IRF5: variants seen among roughly 807,000 people sequenced by gnomAD.
IRF5 encodes interferon regulatory factor 5.
A neutral mutation model predicts 55.1 loss-of-function variants in IRF5; 24 were observed. That is an observed-to-expected ratio of 0.44 (90% confidence interval 0.32 to 0.61). The LOEUF (loss-of-function observed/expected upper bound fraction) is 0.61, where lower values mean the gene tolerates loss of function less well. Ranked by LOEUF, IRF5 falls within the 20% of genes least tolerant of loss-of-function variation. The probability of loss-of-function intolerance (pLI) is 0.07; values close to 1 mark genes in which losing one functional copy is unlikely to be tolerated. For missense variants in IRF5, 499 were observed against 658.5 expected, an observed-to-expected ratio of 0.76 and a Z score of 2.65; for synonymous variants, 258 against 260.2, an observed-to-expected ratio of 0.99 and a Z score of 0.08.
chr7:128,937,250 T>G (rs3757385), upstream of IRF5, among the ~76,000 whole-genome samples: 87,683 of 152,046 alleles, frequency 0.58, 25,853 homozygotes, highest in Middle Eastern at 0.67. Context: ...GAACATTCCA[T>G]GAGAAGGAAC....
rs138437920 is a variant in IRF5, at chr7:128,946,772, C to T, written c.447+210C>T. 2.5e-3 allele frequency: 1,587 copies of T among 637,598 alleles called. 18 individuals carry two copies. Among genetic ancestry groups the T allele is most frequent in the African/African-American group, 0.024 (1,344 of 55,156 alleles). 39.5% of individuals were successfully genotyped at this position (637,598 alleles called of 1,614,324 possible). A position where few individuals can be genotyped will look rare whatever the true frequency, so the allele number is the denominator to read the frequency against. On this transcript the variant is annotated intron_variant, in intron 4 of 8. Coordinates refer to ENST00000357234, the MANE Select transcript of IRF5 (RefSeq NM_001098629.3). This position sits in a 1 kb window ranked among gnomAD's most constrained non-coding sequence, Gnocchi z 4.2. ...GTCATTACCCTGTGTGTGTGACCCA[C>T]GCAGCAGTTGGGGCTTGGTAGGTCT...
chr7:128,946,145 TC>T lies in IRF5; in HGVS notation c.385+113del. The stretch of plus-strand genomic sequence containing the variant: ...CAAGGGCCCCTCTAGCAGGCAGTGG[TC>T]CAGGAAACGATGCGGGGGCTCCCGC... On this transcript the variant is annotated intron_variant, in intron 3 of 8. Transcript: ENST00000357234. This position sits in a 1 kb window ranked among gnomAD's most constrained non-coding sequence, Gnocchi z 4.2. 2 of 1,076,490 alleles carry T rather than the reference TC, an allele frequency of 1.9e-6. No homozygotes were observed. The highest frequency in any genetic ancestry group is 2.6e-6 in the Non-Finnish European group (2 of 768,702). The allele number at this position is 1,076,490 out of a possible 1,614,324, so 66.7% of individuals were successfully genotyped here. A position where few individuals can be genotyped will look rare whatever the true frequency, so the allele number is the denominator to read the frequency against.
At position 128,948,568 on chromosome 7, in the gene IRF5, C is replaced by T. The variant is rs770230322; in HGVS notation, c.1300-5C>T. 1.9e-6 allele frequency: 3 copies of T among 1,613,518 alleles called. No homozygotes were observed. Among genetic ancestry groups the T allele is most frequent in the Non-Finnish European group, 2.5e-6 (3 of 1,180,020 alleles). On this transcript the variant is annotated splice_polypyrimidine_tract_variant and splice_region_variant and intron_variant, in intron 8 of 8. Transcript: ENST00000357234. This position sits in a 1 kb window ranked among gnomAD's most constrained non-coding sequence, Gnocchi z 4.6. ...TCCCTGTCTCATCTCCTCTTTGCCT[C>T]CCAGGTGGTGCCTGTAGCAGCTCGA...
At position 128,948,467 on chromosome 7, in the gene IRF5, C is replaced by T. The variant is rs753584888; in HGVS notation, c.1300-106C>T. The T allele has an allele frequency of 7.3e-5, 111 of 1,512,340 alleles. No individual in the cohort carries two copies. The highest frequency in any genetic ancestry group is 9.1e-5 in the Non-Finnish European group (101 of 1,111,266). The allele number at this position is 1,512,340 out of a possible 1,614,324, so 93.7% of individuals were successfully genotyped here. A position where few individuals can be genotyped will look rare whatever the true frequency, so the allele number is the denominator to read the frequency against. Reference sequence around the variant, plus strand: ...GCCAGAGACCATCAAGGCTCAGAGCCGGAGAATGCGGTCTATTACTCACCC... The same window carrying T: ...GCCAGAGACCATCAAGGCTCAGAGCTGGAGAATGCGGTCTATTACTCACCC... On this transcript the variant is annotated intron_variant, in intron 8 of 8. Coordinates refer to ENST00000357234, the MANE Select transcript of IRF5 (RefSeq NM_001098629.3). This position sits in a 1 kb window ranked among gnomAD's most constrained non-coding sequence, Gnocchi z 4.6.
chr7:128,949,270 A>AGC lies in IRF5; in HGVS notation c.*453_*454dup. 6.1e-6 allele frequency: 1 copy of AGC among 163,708 alleles called. No individual in the cohort carries two copies. Among genetic ancestry groups the AGC allele is most frequent in the Non-Finnish European group, 1.3e-5 (1 of 75,104 alleles). The allele number at this position is 163,708 out of a possible 1,614,324, so 10.1% of individuals were successfully genotyped here. On this transcript the variant is annotated 3_prime_UTR_variant, in exon 9 of 9. Coordinates refer to ENST00000357234, the MANE Select transcript of IRF5 (RefSeq NM_001098629.3). ...CCTGTCCTCTGAGATAATATGAGTG[A>AGC]GCACTTAGGTATCATATCAGATGCT...
chr7:128,948,468 G>T lies in IRF5; in HGVS notation c.1300-105G>T. 3 of 1,515,656 alleles carry T rather than the reference G, an allele frequency of 2.0e-6. No individual in the cohort carries two copies. Among genetic ancestry groups the T allele is most frequent in the Non-Finnish European group, 2.7e-6 (3 of 1,113,782 alleles). The allele number at this position is 1,515,656 out of a possible 1,614,324, so 93.9% of individuals were successfully genotyped here. A position where few individuals can be genotyped will look rare whatever the true frequency, so the allele number is the denominator to read the frequency against. Reference sequence around the variant, plus strand: ...CCAGAGACCATCAAGGCTCAGAGCCGGAGAATGCGGTCTATTACTCACCCC... The same window carrying T: ...CCAGAGACCATCAAGGCTCAGAGCCTGAGAATGCGGTCTATTACTCACCCC... On this transcript the variant is annotated intron_variant, in intron 8 of 8. Coordinates refer to ENST00000357234, the MANE Select transcript of IRF5 (RefSeq NM_001098629.3). This position sits in a 1 kb window ranked among gnomAD's most constrained non-coding sequence, Gnocchi z 4.6.
chr7:128,939,641 G>T (rs1304771543), intron 1 of IRF5, among the ~76,000 whole-genome samples: 1 of 152,166 alleles, frequency 6.6e-6, no homozygotes, highest in Non-Finnish European at 1.5e-5. Flanking sequence ...GGTCCCTGGT[G>T]CCCATGAATT....
At position 128,948,646 on chromosome 7, in the gene IRF5, G is replaced by A. The variant is rs199556554; in HGVS notation, c.1373G>A (p.Arg458Gln). ...GELSWSADSI[R>Q]LQISNPDLKD... is the part of the protein sequence containing the mutation. Reference sequence around the variant, plus strand: ...CTATCTTGGTCAGCTGATAGTATCCGGCTACAGATCTCAAACCCAGACCTC... The same window carrying A: ...CTATCTTGGTCAGCTGATAGTATCCAGCTACAGATCTCAAACCCAGACCTC... Residue 458 changes from arginine to glutamine, a missense_variant, in exon 9 of 9, where the codon CGG (arginine) becomes CAG (glutamine). By Grantham distance (43) the Arg-to-Gln change is conservative. Around this residue, in one of 2 missense-constraint regions of IRF5, gnomAD observed 194 missense variants for 318.3 expected, o/e 0.61. Coordinates refer to ENST00000357234, the MANE Select transcript of IRF5 (RefSeq NM_001098629.3). This position sits in a 1 kb window ranked among gnomAD's most constrained non-coding sequence, Gnocchi z 4.6. The A allele has an allele frequency of 2.1e-5, 34 of 1,614,162 alleles. No individual in the cohort carries two copies. In the Admixed American group the frequency reaches 4.2e-4, roughly 20 times the overall value.
chr7:128,937,563 T>C (rs3807135), upstream of IRF5: 88,652 of 152,132 alleles, frequency 0.58, 26,359 homozygotes, highest in Middle Eastern at 0.68. Context: ...GCCAGGGGTG[T>C]AGGCAGGCGA....
Position 128,946,488 on chromosome 7 carries a change from C to A in IRF5, c.386-13C>A. The A allele has an allele frequency of 6.2e-7, 1 of 1,600,514 alleles. No individual in the cohort carries two copies. The highest frequency in any genetic ancestry group is 1.1e-5 in the South Asian group (1 of 88,242). ...CTCCTTTACTGCCCTGCTTTTCTCT[C>A]CCTGCTGTGCAGACTCCCAGCCCCC... On this transcript the variant is annotated splice_polypyrimidine_tract_variant and intron_variant, in intron 3 of 8. Transcript: ENST00000357234. The surrounding 1 kb of genome is among the most constrained non-coding windows in gnomAD (Gnocchi z 4.2).
Position 128,949,091 on chromosome 7 carries a change from T to G in IRF5, c.*273T>G, listed in dbSNP as rs972255929. ...AACTCTCCCAACCCTGGGGCCTAGC[T>G]GTATAGGAGGAATTGCCTAAGGGTG... On this transcript the variant is annotated 3_prime_UTR_variant, in exon 9 of 9. Transcript: ENST00000357234. 6.6e-6 allele frequency: 3 copies of G among 455,858 alleles called. No homozygotes were observed. The highest frequency in any genetic ancestry group is 1.2e-5 in the Non-Finnish European group (3 of 251,060). The allele number at this position is 455,858 out of a possible 1,614,324, so 28.2% of individuals were successfully genotyped here. A position where few individuals can be genotyped will look rare whatever the true frequency, so the allele number is the denominator to read the frequency against.
At chr7:128,938,074 C>T (rs570196114) in intron 1 of IRF5, 25 bp downstream of exon 1, 4 of 152,312 alleles carry the variant, frequency 2.6e-5, no homozygotes, top group African/African-American at 9.6e-5. Context: ...CCGCGCTCTC[C>T]TCTCTGCGTC....
intron 2 of IRF5, 130 bp from the exon 3 acceptor site, chr7:128,945,715 G>T: frequency 1.2e-6 from 1 of 847,490 alleles, no homozygotes; most frequent in African/African-American, 1.7e-5. Flanking sequence ...AACCAGGTCT[G>T]GGGCTCAGCG....
Position 128,946,169 on chromosome 7 carries a change from C to T in IRF5, c.385+135C>T, listed in dbSNP as rs1585303172. 12 of 860,888 alleles carry T rather than the reference C, an allele frequency of 1.4e-5. No individual in the cohort carries two copies. Among genetic ancestry groups the T allele is most frequent in the Non-Finnish European group, 2.1e-5 (12 of 578,678 alleles). 53.3% of individuals were successfully genotyped at this position (860,888 alleles called of 1,614,324 possible). ...GTCCAGGAAACGATGCGGGGGCTCC[C>T]GCTAGGTCATGACACCCAGGGCTTC... On this transcript the variant is annotated intron_variant, in intron 3 of 8. Transcript: ENST00000357234. The surrounding 1 kb of genome is among the most constrained non-coding windows in gnomAD (Gnocchi z 4.2).
chr7:128,949,012 G>A lies in IRF5; in HGVS notation c.*194G>A, dbSNP rs953396608. The A allele has an allele frequency of 4.7e-6, 3 of 644,342 alleles. No individual in the cohort carries two copies. The highest frequency in any genetic ancestry group is 7.9e-6 in the Non-Finnish European group (3 of 380,968). 39.9% of individuals were successfully genotyped at this position (644,342 alleles called of 1,614,324 possible). On this transcript the variant is annotated 3_prime_UTR_variant, in exon 9 of 9. Transcript: ENST00000357234. ...TTCCCGGGCCTTTCTCTCCTGGGCT[G>A]TCTCTGGTCTGGTCAGCCTGGCTCT...
chr7:128,948,916 G>T lies in IRF5; in HGVS notation c.*98G>T. On this transcript the variant is annotated 3_prime_UTR_variant, in exon 9 of 9. Coordinates refer to ENST00000357234, the MANE Select transcript of IRF5 (RefSeq NM_001098629.3). This position sits in a 1 kb window ranked among gnomAD's most constrained non-coding sequence, Gnocchi z 4.6. Reference sequence around the variant, plus strand: ...CGATGAGCACCTGGCTGGCTGCAGGGTCCTACCTCTGGGTTTCCTGGAAGT... The same window carrying T: ...CGATGAGCACCTGGCTGGCTGCAGGTTCCTACCTCTGGGTTTCCTGGAAGT... The T allele has an allele frequency of 6.9e-7, 1 of 1,439,896 alleles. No homozygotes were observed. The highest frequency in any genetic ancestry group is 9.3e-7 in the Non-Finnish European group (1 of 1,072,958). The allele number at this position is 1,439,896 out of a possible 1,614,324, so 89.2% of individuals were successfully genotyped here. A position where few individuals can be genotyped will look rare whatever the true frequency, so the allele number is the denominator to read the frequency against.
At chr7:128,945,646 A>G (rs1170576012) in intron 2 of IRF5, among the ~76,000 whole-genome samples, 199 bp from the exon 3 acceptor site, 2 of 152,122 alleles carry the variant, frequency 1.3e-5, no homozygotes, top group East Asian at 3.9e-4. Flanking sequence ...CCTAGATTTC[A>G]TGTAGCTTGC....
chr7:128,939,846 G>A (rs1246458059), intron 1 of IRF5, among the ~76,000 whole-genome samples: 1 of 152,238 alleles, frequency 6.6e-6, no homozygotes. Context: ...ATTGACTTAG[G>A]TCTAGGGCTC....
Position 128,946,232 on chromosome 7 carries a change from T to C in IRF5, c.385+198T>C, listed in dbSNP as rs1007828438. 2.6e-5 allele frequency among the ~76,000 whole-genome samples: 4 copies of C among 152,202 alleles called. No individual in the cohort carries two copies. Among genetic ancestry groups the C allele is most frequent in the Admixed American group, 2.0e-4 (3 of 15,286 alleles). ...GGATGGGTCACTGGCATATCAGGAA[T>C]GGCTTGGCGTGCAGTCAGGGACCTG... On this transcript the variant is annotated intron_variant, in intron 3 of 8. Transcript: ENST00000357234. This position sits in a 1 kb window ranked among gnomAD's most constrained non-coding sequence, Gnocchi z 4.2.
Sources: gnomAD v4.1 joint callset for allele counts (sites outside exome capture counted in the v4.1 genomes callset) on GRCh38, gnomAD v4.1.1 for gene constraint, gnomAD v4.1.1 regional missense constraint, Gnocchi (gnomAD v3.1) non-coding constraint, MANE v1.5 for transcripts, NCBI Gene and HGNC (gene_info 2026-07-23, HGNC 2026-07-21) for gene names.